The following ZNF141 variants were observed in gnomAD, a reference collection of about 807,000 sequenced individuals.
ZNF141 encodes zinc finger protein 141 (clone pHZ-44).
Under a neutral mutation model 11.3 loss-of-function variants are expected in ZNF141, and 7 were observed. That is an observed-to-expected ratio of 0.62 (90% confidence interval 0.35 to 1.16). The LOEUF (loss-of-function observed/expected upper bound fraction) is 1.16, where lower values mean the gene tolerates loss of function less well. Among genes scored for constraint, ZNF141 ranks in the 50% most tolerant of loss-of-function variants. The pLI, the probability that ZNF141 is intolerant of heterozygous loss-of-function variation, is 0.02. For missense variants in ZNF141, 535 were observed against 554.0 expected, an observed-to-expected ratio of 0.97 and a Z score of 0.34; for synonymous variants, 183 against 190.7, an observed-to-expected ratio of 0.96 and a Z score of 0.33.
intron 3 of ZNF141, chr4:350,321 C>A: frequency 2.2e-6 from 1 of 447,600 alleles, no homozygotes; most frequent in South Asian, 1.6e-5. Context: ...CTTTCTACTT[C>A]TGCTTTCTAT....
In ZNF141 at chr4:373,945, A is replaced by T; in HGVS notation, c.*83A>T. 8.1e-7 allele frequency: 1 copy of T among 1,237,266 alleles called. No homozygotes were observed. Among genetic ancestry groups the T allele is most frequent in the Non-Finnish European group, 1.1e-6 (1 of 878,416 alleles). 76.6% of individuals were successfully genotyped at this position (1,237,266 alleles called of 1,614,324 possible). ...ATGAACATGAGAAAATTTATACTGT[A>T]GAGAAACCCTGGAAATGTGAAGAAC... On this transcript the variant is annotated 3_prime_UTR_variant, in exon 4 of 4. Transcript: ENST00000240499.
chr4:347,985 C>T (rs782782069), intron 3 of ZNF141, among the ~76,000 whole-genome samples: 4 of 151,880 alleles, frequency 2.6e-5, no homozygotes, highest in Admixed American at 6.6e-5. Flanking sequence ...GCTGGGATTA[C>T]AGGCACGTGC....
chr4:373,713 A>G lies in ZNF141; in HGVS notation c.1276A>G (p.Lys426Glu). The part of the protein sequence containing the change: ...IHSADKPYKC[K>E]ECDKAFKQFS... ...TAGTGCAGATAAACCCTACAAATGT[A>G]AAGAATGTGACAAAGCCTTTAAACA... The change falls in exon 4 of 4, where the codon AAA becomes GAA. Residue 426 changes from lysine (K) to glutamate (E), a missense_variant. Physicochemically the swap from Lys to Glu is moderately conservative, Grantham distance 56. Coordinates refer to ENST00000240499, the MANE Select transcript of ZNF141 (RefSeq NM_003441.4). The G allele has an allele frequency of 6.2e-7, 1 of 1,614,148 alleles. No homozygotes were observed. The highest frequency in any genetic ancestry group is 8.5e-7 in the Non-Finnish European group (1 of 1,180,004).
At chr4:351,015 C>G (rs1028351981) in intron 3 of ZNF141, among the ~76,000 whole-genome samples, 1 of 151,730 alleles carries the variant, frequency 6.6e-6, no homozygotes, top group African/African-American at 2.4e-5. Context: ...TCCCAAAGTG[C>G]TGGGATTACA....
chr4:354,640 G>A lies in ZNF141; in HGVS notation c.226+10210G>A, dbSNP rs187903018. On this transcript the variant is annotated intron_variant, in intron 3 of 3. Transcript: ENST00000240499. ...TTTAGTTATTTTTCAAGTTTTTGAG[G>A]ATTAAAGTTGGTTTATTTGAGATTT... 2.6e-5 allele frequency among the ~76,000 whole-genome samples: 4 copies of A among 151,910 alleles called. No homozygotes were observed. The East Asian group carries it at 7.7e-4, about 29-fold the overall frequency.
Position 377,381 on chromosome 4 carries a change from T to C in ZNF141, c.*3519T>C, listed in dbSNP as rs1712421370. Among the ~76,000 whole-genome samples, 3 of 152,226 alleles carry C rather than the reference T, an allele frequency of 2.0e-5. No individual in the cohort carries two copies. The South Asian group carries it at 6.2e-4, about 31-fold the overall frequency. ...GCGAACAAATGGCATTAATTGTGCA[T>C]GTGGAGAGGACGTCTGTTCTCAGGC... On this transcript the variant is annotated 3_prime_UTR_variant, in exon 4 of 4. Coordinates refer to ENST00000240499, the MANE Select transcript of ZNF141 (RefSeq NM_003441.4).
At chr4:360,880 G>T (rs926429601) in intron 3 of ZNF141, among the ~76,000 whole-genome samples, 1 of 151,434 alleles carries the variant, frequency 6.6e-6, no homozygotes, top group African/African-American at 2.4e-5. Flanking sequence ...TATAAATATT[G>T]ACCTACTTTG....
intron 1 of ZNF141, among the ~76,000 whole-genome samples, chr4:343,339 A>G (rs1553848799): frequency 6.6e-6 from 1 of 152,310 alleles, no homozygotes; most frequent in African/African-American, 2.4e-5. Context: ...AGAGAATATT[A>G]CTGCGTTGAA....
At position 384,528 on chromosome 4, in the gene ZNF141, C is replaced by T. The variant is rs1315468639; in HGVS notation, c.*10666C>T. 2 of 152,140 alleles carry T rather than the reference C, an allele frequency of 1.3e-5. No homozygotes were observed. The highest frequency in any genetic ancestry group is 4.8e-5 in the African/African-American group (2 of 41,418). The allele number at this position is 152,140 out of a possible 1,614,324, so 9.4% of individuals were successfully genotyped here. A position where few individuals can be genotyped will look rare whatever the true frequency, so the allele number is the denominator to read the frequency against. On this transcript the variant is annotated 3_prime_UTR_variant, in exon 4 of 4. Transcript: ENST00000240499. ...CTTAGGCCCAGGTGTAATGAATCAA[C>T]CTAAATGTCATTAACTTGACCCAGC...
rs920026677 is a variant in ZNF141, at chr4:379,025, A to C, written c.*5163A>C. Among the ~76,000 whole-genome samples the C allele has an allele frequency of 2.0e-5, 3 of 151,518 alleles. No individual in the cohort carries two copies. The highest frequency in any genetic ancestry group is 4.4e-5 in the Non-Finnish European group (3 of 67,868). On this transcript the variant is annotated 3_prime_UTR_variant, in exon 4 of 4. Coordinates refer to ENST00000240499, the MANE Select transcript of ZNF141 (RefSeq NM_003441.4). ...ACACCCAGCTAATTTTTGTATTTTT[A>C]ATAGAGATGAGGTTTCACTCTGTTG...
At position 374,306 on chromosome 4, in the gene ZNF141, C is replaced by A. The variant is rs528273438; in HGVS notation, c.*444C>A. 2 of 303,348 alleles carry A rather than the reference C, an allele frequency of 6.6e-6. No homozygotes were observed. The highest frequency in any genetic ancestry group is 3.3e-5 in the South Asian group (1 of 30,258). The allele number at this position is 303,348 out of a possible 1,614,324, so 18.8% of individuals were successfully genotyped here. ...GAAACTTCACATGTGAACCGTGTGG[C>A]AAAGCCTTTAAATGGTCCTCAACCC... On this transcript the variant is annotated 3_prime_UTR_variant, in exon 4 of 4. Transcript: ENST00000240499.
In ZNF141 at chr4:340,795, A is replaced by G. The variant is rs987319404; in HGVS notation, c.3+2809A>G. Among the ~76,000 whole-genome samples the G allele has an allele frequency of 2.6e-5, 4 of 152,234 alleles. No individual in the cohort carries two copies. The East Asian group carries it at 7.7e-4, about 29-fold the overall frequency. On this transcript the variant is annotated intron_variant, in intron 1 of 3. Transcript: ENST00000240499. ...TTAACCTAATAATGCCATACTGGAC[A>G]CTATAACCCACACCTTATAGCTTAA...
rs887785823 is a variant in ZNF141 at position 375,334 on chromosome 4, T to C, written c.*1472T>C. 1.3e-5 allele frequency: 2 copies of C among 152,100 alleles called. No individual in the cohort carries two copies. Among genetic ancestry groups the C allele is most frequent in the East Asian group, 3.8e-4 (2 of 5,200 alleles). The allele number at this position is 152,100 out of a possible 1,614,324, so 9.4% of individuals were successfully genotyped here. ...CACATTTTATAATAGGGGAAAACAC[T>C]GAAGGAGACTTTCTTCAACATCAGA... On this transcript the variant is annotated 3_prime_UTR_variant, in exon 4 of 4. Transcript: ENST00000240499.
intron 1 of ZNF141, among the ~76,000 whole-genome samples, chr4:342,355 A>G (rs1182362934): frequency 6.6e-6 from 1 of 152,234 alleles, no homozygotes; most frequent in Non-Finnish European, 1.5e-5. Flanking sequence ...GTCTGCAGAG[A>G]ATGCCATGTT....
At position 384,268 on chromosome 4, in the gene ZNF141, A is replaced by G. The variant is rs1283495158; in HGVS notation, c.*10406A>G. Reference sequence around the variant, plus strand: ...CAAGGCTGTGAGGAGATCTGAAGACATGGTGCTCTCTCTTCCTGTGGACCC... The same window carrying G: ...CAAGGCTGTGAGGAGATCTGAAGACGTGGTGCTCTCTCTTCCTGTGGACCC... On this transcript the variant is annotated 3_prime_UTR_variant, in exon 4 of 4. Transcript: ENST00000240499. 6.6e-6 allele frequency: 1 copy of G among 152,228 alleles called. No homozygotes were observed. Among genetic ancestry groups the G allele is most frequent in the Admixed American group, 6.5e-5 (1 of 15,278 alleles). The allele number at this position is 152,228 out of a possible 1,614,324, so 9.4% of individuals were successfully genotyped here. A position where few individuals can be genotyped will look rare whatever the true frequency, so the allele number is the denominator to read the frequency against.
rs116439268 is a variant in ZNF141, at chr4:342,512, G to A, written c.4-1270G>A. The stretch of plus-strand genomic sequence containing the variant: ...GAGGGAGGAGCGTCAGCATTAACAG[G>A]AGACTTGCTGTAAAAAGCTAATTCA... On this transcript the variant is annotated intron_variant, in intron 1 of 3. Coordinates refer to ENST00000240499, the MANE Select transcript of ZNF141 (RefSeq NM_003441.4). Among the ~76,000 whole-genome samples the A allele has an allele frequency of 4.2e-3, 641 of 152,306 alleles. 6 individuals are homozygous for A. Among genetic ancestry groups the A allele is most frequent in the African/African-American group, 0.015 (609 of 41,566 alleles).
chr4:346,893 A>ACACACACACACACC (rs373224939), intron 3 of ZNF141, among the ~76,000 whole-genome samples: 3 of 135,484 alleles, frequency 2.2e-5, no homozygotes, highest in African/African-American at 9.6e-5. Flanking sequence ...ACACACACAC[A>ACACACACACACACC]CCGCCCCCCC....
chr4:351,188 A>G (rs1581594912), intron 3 of ZNF141, among the ~76,000 whole-genome samples: 1 of 151,536 alleles, frequency 6.6e-6, no homozygotes, highest in African/African-American at 2.4e-5. Flanking sequence ...CAAAAGTAGA[A>G]GCTGCTGTGC....
chr4:361,049 C>T (rs1722082423), intron 3 of ZNF141, among the ~76,000 whole-genome samples: 1 of 151,934 alleles, frequency 6.6e-6, no homozygotes, highest in Non-Finnish European at 1.5e-5. Flanking sequence ...AAAATGTAAC[C>T]GTTTTAGGTA....
Sources: allele counts gnomAD v4.1 joint callset (sites outside exome capture counted in the v4.1 genomes callset), GRCh38; gene constraint gnomAD v4.1.1; transcripts MANE v1.5; gene names NCBI Gene and HGNC (gene_info 2026-07-23, HGNC 2026-07-21).